The following NPEPPS variants were observed in gnomAD, a reference collection of about 807,000 sequenced individuals.
The protein encoded by NPEPPS is puromycin-sensitive aminopeptidase.
Under a neutral mutation model 115.5 loss-of-function variants are expected in NPEPPS, and 14 were observed. That is an observed-to-expected ratio of 0.12 (90% CI 0.08 to 0.19). The LOEUF (loss-of-function observed/expected upper bound fraction) is 0.19. NPEPPS is among the 10% of genes least tolerant of loss of function. The pLI is 1.00. For synonymous variants in NPEPPS, 285 were observed against 390.6 expected (o/e 0.73, Z 3.19); for missense variants, 523 against 1,110.8 (o/e 0.47, Z 7.52).
intron 16 of NPEPPS, among the ~76,000 whole-genome samples, chr17:47,604,983 A>T (rs1340567117): frequency 1.3e-5 from 2 of 152,226 alleles, no homozygotes; most frequent in South Asian, 2.1e-4. Context: ...AAAATTTCAA[A>T]ACAGTAACAA....
chr17:47,619,186 G>C, intron 21 of NPEPPS, 22 bp downstream of exon 21: 1 of 1,595,822 alleles, frequency 6.3e-7, no homozygotes, highest in Non-Finnish European at 8.6e-7. Flanking sequence ...ACTTTGAGTA[G>C]CTTGCTAATC....
At chr17:47,602,489 TTAGC>T (rs957985075) in intron 15 of NPEPPS, among the ~76,000 whole-genome samples, 3 of 151,462 alleles carry the variant, frequency 2.0e-5, no homozygotes, top group Non-Finnish European at 2.9e-5. Context: ...GAAAAAAAAA[TTAGC>T]TAGTCGTGAT....
intron 1 of NPEPPS, among the ~76,000 whole-genome samples, chr17:47,537,476 G>A (rs1208700153): frequency 3.3e-5 from 5 of 152,242 alleles, no homozygotes; most frequent in Middle Eastern, 3.4e-3. Context: ...GGTGGATCAT[G>A]AGGTCAGAAG....
In NPEPPS at chr17:47,531,428, C is replaced by A. The variant is rs1437832619; in HGVS notation, c.128C>A (p.Ala43Asp). ...SRRRLHSLGL[A>D]AMPEKRPFER... Reference sequence around the variant, plus strand: ...CGCCGCCTCCACAGCCTGGGCCTCGCCGCGATGCCGGAGAAGAGGCCCTTC... The same window carrying A: ...CGCCGCCTCCACAGCCTGGGCCTCGACGCGATGCCGGAGAAGAGGCCCTTC... Residue 43 changes from alanine (A) to aspartate (D), a missense_variant, in exon 1 of 23, where the codon GCC becomes GAC. Coordinates refer to ENST00000322157, the MANE Select transcript of NPEPPS (RefSeq NM_006310.4). 9 of 1,548,332 alleles carry A rather than the reference C, an allele frequency of 5.8e-6. No individual in the cohort carries two copies. Among genetic ancestry groups the A allele is most frequent in the African/African-American group, 2.7e-5 (2 of 72,856 alleles).
intron 2 of NPEPPS, among the ~76,000 whole-genome samples, chr17:47,556,057 G>A (rs113176137): frequency 3.6e-5 from 5 of 140,386 alleles, no homozygotes; most frequent in African/African-American, 1.1e-4. Flanking sequence ...TCTGCCTCCC[G>A]GGTTCAAGCA....
chr17:47,587,840 A>AGAGT (rs1491267178), intron 9 of NPEPPS, among the ~76,000 whole-genome samples: 1 of 151,086 alleles, frequency 6.6e-6, no homozygotes, highest in African/African-American at 2.5e-5. Context: ...AACAAACTGC[A>AGAGT]GAGTGACTGC....
At chr17:47,594,496 C>T (rs576083556) in intron 12 of NPEPPS, among the ~76,000 whole-genome samples, 14 of 151,552 alleles carry the variant, frequency 9.2e-5, no homozygotes, top group South Asian at 6.3e-4. Flanking sequence ...CCACAACCTC[C>T]GCCTCCCGGG....
chr17:47,549,323 CAG>C (rs1909463000), intron 2 of NPEPPS, among the ~76,000 whole-genome samples: 1 of 151,920 alleles, frequency 6.6e-6, no homozygotes, highest in African/African-American at 2.4e-5. Flanking sequence ...GCCTGGGTGA[CAG>C]AGACTCTGTC....
intron 1 of NPEPPS, among the ~76,000 whole-genome samples, chr17:47,543,802 CACT>C (rs1908966750): frequency 6.6e-6 from 1 of 152,152 alleles, no homozygotes; most frequent in Non-Finnish European, 1.5e-5. Context: ...CCAGAAAGTC[CACT>C]ATTAGGTTCC....
chr17:47,607,253 A>G (rs1161219421), intron 17 of NPEPPS, among the ~76,000 whole-genome samples: 2 of 152,158 alleles, frequency 1.3e-5, no homozygotes, highest in Non-Finnish European at 2.9e-5. Flanking sequence ...TTTTATAGAG[A>G]GTGTTTGGGG....
intron 1 of NPEPPS, among the ~76,000 whole-genome samples, chr17:47,543,836 CAT>C (rs1285707440): frequency 2.1e-4 from 30 of 146,010 alleles, no homozygotes; most frequent in South Asian, 4.4e-4. Context: ...AAAATTCTCT[CAT>C]GTGTGCACAG....
At chr17:47,612,388 GA>G in intron 17 of NPEPPS, 71 bp from the exon 18 acceptor site, 2 of 1,512,890 alleles carry the variant, frequency 1.3e-6, no homozygotes, top group South Asian at 2.4e-5. Flanking sequence ...ACAATTATAA[GA>G]TATCCAAATG....
At chr17:47,607,985 C>T (rs955747423) in intron 17 of NPEPPS, among the ~76,000 whole-genome samples, 1 of 151,974 alleles carries the variant, frequency 6.6e-6, no homozygotes, top group Non-Finnish European at 1.5e-5. Flanking sequence ...TTTGGGACTA[C>T]AGGCATGCAC....
chr17:47,522,995 AT>A lies in NPEPPS; in HGVS notation c.13del (p.Ser5ProfsTer69). 9 of 1,447,790 alleles carry A rather than the reference AT, an allele frequency of 6.2e-6. No homozygotes were observed. Among genetic ancestry groups the A allele is most frequent in the Non-Finnish European group, 8.4e-6 (9 of 1,067,392 alleles). The allele number at this position is 1,447,790 out of a possible 1,614,324, so 89.7% of individuals were successfully genotyped here. On this transcript the variant is annotated frameshift_variant, in exon 1 of 6. Coordinates refer to the NPEPPS transcript ENST00000525007. LOFTEE classifies it high-confidence loss of function. ...GTCAAGGCTGGGACCTCATGGCATCATTTTCCATGGATTGCTCTCCAAGTTT... is the reference window on the plus strand; with the variant it reads ...GTCAAGGCTGGGACCTCATGGCATCATTTCCATGGATTGCTCTCCAAGTTT...
At chr17:47,587,939 TC>T (rs1912290867) in intron 9 of NPEPPS, among the ~76,000 whole-genome samples, 3 of 151,684 alleles carry the variant, frequency 2.0e-5, no homozygotes, top group African/African-American at 7.3e-5. Flanking sequence ...TCCTGATTTT[TC>T]ACTCTTACTC....
At chr17:47,618,907 GTGTCT>G (rs1344779535) in intron 20 of NPEPPS, 97 bp from the exon 21 acceptor site, 6 of 1,002,230 alleles carry the variant, frequency 6.0e-6, no homozygotes, top group Non-Finnish European at 9.0e-6. Context: ...CAAGGAATAA[GTGTCT>G]TCAGTGTGAT....
At position 47,608,574 on chromosome 17, in the gene NPEPPS, C is replaced by T. The variant is rs965622282; in HGVS notation, c.2095+3022C>T. Among the ~76,000 whole-genome samples the T allele has an allele frequency of 4.7e-4, 71 of 151,802 alleles. 1 individual carries two copies. Among genetic ancestry groups the T allele is most frequent in the African/African-American group, 1.6e-3 (66 of 41,310 alleles). ...AGTTGGTTGAGTCCTGGAGTTCAAG[C>T]CCAGCATGGGCAACATAGTGAGACT... On this transcript the variant is annotated intron_variant, in intron 17 of 22. Coordinates refer to ENST00000322157, the MANE Select transcript of NPEPPS (RefSeq NM_006310.4).
At chr17:47,594,874 C>T (rs1483881644) in intron 12 of NPEPPS, among the ~76,000 whole-genome samples, 2 of 151,690 alleles carry the variant, frequency 1.3e-5, no homozygotes, top group African/African-American at 4.8e-5. Flanking sequence ...CCTCATGATC[C>T]GCCCGCCTCT....
chr17:47,525,534 G>A (rs1487888546), intron 1 of NPEPPS, among the ~76,000 whole-genome samples: 2 of 152,084 alleles, frequency 1.3e-5, no homozygotes, highest in Non-Finnish European at 2.9e-5. Flanking sequence ...GTAGAGATGG[G>A]GTTTCTCCAT....
Sources: gnomAD v4.1 joint callset for allele counts (sites outside exome capture counted in the v4.1 genomes callset) on GRCh38, gnomAD v4.1.1 for gene constraint, MANE v1.5 for transcripts, NCBI Gene and HGNC (gene_info 2026-07-23, HGNC 2026-07-21) for gene names.